EXT1: variants seen among roughly 807,000 people sequenced by gnomAD.
EXT1 encodes the protein exostosin glycosyltransferase 1, also known as exostosin-1.
Under a neutral mutation model 82.5 loss-of-function variants are expected in EXT1, and 20 were observed. The ratio of observed to expected loss-of-function variants is 0.24; its 90% confidence interval spans 0.17 to 0.35. EXT1 has a LOEUF of 0.35. EXT1 is among the 10% of genes least tolerant of loss of function. EXT1 has a pLI of 1.00. For synonymous variants in EXT1, 348 were observed against 350.8 expected, an observed-to-expected ratio of 0.99 and a Z score of 0.09; for missense variants, 757 against 936.5, an observed-to-expected ratio of 0.81 and a Z score of 2.50.
At chr8:117,850,485 G>A (rs553950778) in intron 1 of EXT1, among the ~76,000 whole-genome samples, 38 of 151,748 alleles carry the variant, frequency 2.5e-4, no homozygotes, top group African/African-American at 8.3e-4. Context: ...TTTTGGAGGT[G>A]TGAAAACATA....
chr8:117,873,127 T>G (rs752927175), intron 1 of EXT1, among the ~76,000 whole-genome samples: 1 of 152,188 alleles, frequency 6.6e-6, no homozygotes, highest in Non-Finnish European at 1.5e-5. Context: ...CTCAGCCACA[T>G]GAGAATACGA....
chr8:117,802,476 T>C (rs1823183392), intron 10 of EXT1, among the ~76,000 whole-genome samples: 1 of 152,218 alleles, frequency 6.6e-6, no homozygotes, highest in African/African-American at 2.4e-5. Flanking sequence ...AATGTTTAGA[T>C]ACACAAATAT....
intron 1 of EXT1, among the ~76,000 whole-genome samples, chr8:117,927,273 A>G (rs1363518631): frequency 6.6e-6 from 1 of 152,212 alleles, no homozygotes; most frequent in Admixed American, 6.5e-5. Context: ...AAAAGAAAAA[A>G]GGCAGAAACT....
chr8:117,830,116 A>C, intron 4 of EXT1, 114 bp downstream of exon 4: 2 of 1,331,728 alleles, frequency 1.5e-6, no homozygotes, highest in Non-Finnish European at 2.1e-6. Flanking sequence ...CAAGTACAGG[A>C]ATCTGGTTTT....
chr8:117,994,804 C>T (rs537235794), intron 1 of EXT1, among the ~76,000 whole-genome samples: 30 of 152,304 alleles, frequency 2.0e-4, no homozygotes, highest in Non-Finnish European at 3.5e-4. Context: ...AGAAATATAT[C>T]TAACTGTCGG....
At chr8:118,075,965 G>A (rs1817201347) in intron 1 of EXT1, among the ~76,000 whole-genome samples, 1 of 152,012 alleles carries the variant, frequency 6.6e-6, no homozygotes. Flanking sequence ...AGATTTAAGG[G>A]GGACAAATAT....
At chr8:118,063,680 C>T (rs576073849) in intron 1 of EXT1, among the ~76,000 whole-genome samples, 1 of 152,354 alleles carries the variant, frequency 6.6e-6, no homozygotes, top group African/African-American at 2.4e-5. Flanking sequence ...GCGATATTAG[C>T]TACCATCCTT....
At chr8:117,969,700 C>T (rs551557051) in intron 1 of EXT1, among the ~76,000 whole-genome samples, 138 of 152,276 alleles carry the variant, frequency 9.1e-4, no homozygotes, top group African/African-American at 2.8e-3. Flanking sequence ...TGTGTGCGCG[C>T]GCACGCGTGT....
chr8:117,835,007 G>C (rs933227250), intron 3 of EXT1, among the ~76,000 whole-genome samples: 1 of 152,100 alleles, frequency 6.6e-6, no homozygotes, highest in Non-Finnish European at 1.5e-5. Flanking sequence ...CACCCAGACT[G>C]GATCATTTGA....
At chr8:117,857,155 C>T (rs1374839097) in intron 1 of EXT1, among the ~76,000 whole-genome samples, 1 of 152,148 alleles carries the variant, frequency 6.6e-6, no homozygotes, top group African/African-American at 2.4e-5. Flanking sequence ...ATATTGCGTT[C>T]GTTGGCAAGT....
intron 1 of EXT1, among the ~76,000 whole-genome samples, chr8:118,084,397 G>T (rs986576420): frequency 6.6e-6 from 1 of 152,216 alleles, no homozygotes; most frequent in Non-Finnish European, 1.5e-5. Context: ...AATGCATCTT[G>T]TTCATGCTTG....
intron 1 of EXT1, among the ~76,000 whole-genome samples, chr8:117,880,788 A>G (rs767353954): frequency 5.3e-5 from 8 of 151,958 alleles, no homozygotes; most frequent in Non-Finnish European, 1.0e-4. Context: ...ATGGGGTTTC[A>G]CCATATTGGT....
intron 1 of EXT1, among the ~76,000 whole-genome samples, chr8:118,051,677 A>C (rs905719946): frequency 2.6e-5 from 4 of 152,220 alleles, no homozygotes. Flanking sequence ...CCAACTAATC[A>C]ATGTGTTTTC....
At chr8:117,986,992 C>A (rs1815335424) in intron 1 of EXT1, among the ~76,000 whole-genome samples, 1 of 152,140 alleles carries the variant, frequency 6.6e-6, no homozygotes, top group Admixed American at 6.5e-5. Context: ...ACAAGCAGCA[C>A]TTTTTGGAAG....
intron 1 of EXT1, among the ~76,000 whole-genome samples, chr8:117,977,964 C>T (rs1483453445): frequency 6.6e-6 from 1 of 152,194 alleles, no homozygotes; most frequent in Non-Finnish European, 1.5e-5. Context: ...AGTGCTAATG[C>T]AGGTTTCATT....
chr8:118,087,895 A>T (rs944300032), intron 1 of EXT1, among the ~76,000 whole-genome samples: 1 of 151,688 alleles, frequency 6.6e-6, no homozygotes, highest in African/African-American at 2.4e-5. Flanking sequence ...ATTGTGTTAT[A>T]CAAAACAAAT....
intron 1 of EXT1, among the ~76,000 whole-genome samples, chr8:117,975,154 C>T (rs1815038885): frequency 6.6e-6 from 1 of 152,114 alleles, no homozygotes. Context: ...TAGTGGTAAG[C>T]CTTAAACCTT....
chr8:118,008,126 G>A (rs192968411), intron 1 of EXT1, among the ~76,000 whole-genome samples: 1 of 152,292 alleles, frequency 6.6e-6, no homozygotes, highest in East Asian at 1.9e-4. Context: ...GTGTCCATGT[G>A]TTCTCATTGC....
At chr8:117,858,677 CA>C (rs796273883) in intron 1 of EXT1, among the ~76,000 whole-genome samples, 954 of 83,666 alleles carry the variant, frequency 0.011, 28 homozygotes, top group African/African-American at 0.045. Context: ...GACTCCATCT[CA>C]AAAAAAAAAA....
Sources: gnomAD v4.1 joint callset for allele counts (sites outside exome capture counted in the v4.1 genomes callset) on GRCh38, gnomAD v4.1.1 for gene constraint, MANE v1.5 for transcripts, NCBI Gene and HGNC (gene_info 2026-07-23, HGNC 2026-07-21) for gene names.